Variants in GCH1 observed in about 807,000 individuals in gnomAD.
GCH1 encodes the protein GTP cyclohydrolase 1.
GCH1 carries 5 observed loss-of-function variants against 25.9 expected under a neutral mutation model. That is an observed-to-expected ratio of 0.19 (90% CI 0.10 to 0.41). The LOEUF (loss-of-function observed/expected upper bound fraction) is 0.41. Among genes scored for constraint, GCH1 ranks in the 10% least tolerant of loss-of-function variants. The pLI, the probability that GCH1 is intolerant of heterozygous loss-of-function variation, is 1.00. For synonymous variants in GCH1, 159 were observed against 129.6 expected (o/e 1.23, Z -1.54); for missense variants, 261 against 336.5 (o/e 0.78, Z 1.75).
At chr14:54,896,053 ACTG>A (rs1352348694) in intron 1 of GCH1, among the ~76,000 whole-genome samples, 1 of 152,248 alleles carries the variant, frequency 6.6e-6, no homozygotes, top group Non-Finnish European at 1.5e-5. Context: ...CACAAGAGGC[ACTG>A]GGAGGAAAAA....
At chr14:54,856,577 G>A (rs1316850973) in intron 3 of GCH1, among the ~76,000 whole-genome samples, 2 of 151,948 alleles carry the variant, frequency 1.3e-5, no homozygotes, top group Non-Finnish European at 2.9e-5. Context: ...CTCAGCCTCC[G>A]AAGTAGCTGG....
intron 1 of GCH1, among the ~76,000 whole-genome samples, chr14:54,865,689 AAGG>A (rs1321933333): frequency 6.6e-6 from 1 of 152,216 alleles, no homozygotes; most frequent in African/African-American, 2.4e-5. Flanking sequence ...ATGGAAGAGG[AAGG>A]AGAACGGAGG....
intron 1 of GCH1, among the ~76,000 whole-genome samples, chr14:54,879,420 CAAAAAAAAAAAAAAAA>C (rs34163543): frequency 1.7e-5 from 1 of 59,888 alleles, no homozygotes; most frequent in South Asian, 6.0e-4. Context: ...GTCCCTGTCT[CAAAAAAAAAAAAAAAA>C]AAAAAAAAAA....
chr14:54,897,010 G>GTT lies in GCH1; in HGVS notation c.343+5309_343+5310dup, dbSNP rs1303006172. ...TCTTATCCATTCTACTCCACTTTTTGTTTTTTTTTTTTTTTTTTGAGATGG... is the reference window on the plus strand; with the variant it reads ...TCTTATCCATTCTACTCCACTTTTTGTTTTTTTTTTTTTTTTTTTTGAGATGG... On this transcript the variant is annotated intron_variant, in intron 1 of 5. Coordinates refer to ENST00000491895, the MANE Select transcript of GCH1 (RefSeq NM_000161.3). Among the ~76,000 whole-genome samples the GTT allele has an allele frequency of 3.0e-4, 35 of 114,880 alleles. 1 individual carries two copies. Among genetic ancestry groups the GTT allele is most frequent in the East Asian group, 5.1e-4 (2 of 3,908 alleles). 75.4% of individuals were successfully genotyped at this position (114,880 alleles called of 152,430 possible).
intron 1 of GCH1, among the ~76,000 whole-genome samples, chr14:54,868,751 G>A (rs934406646): frequency 2.0e-5 from 3 of 151,262 alleles, no homozygotes; most frequent in African/African-American, 4.9e-5. Flanking sequence ...ACAGGCGTCT[G>A]CCACCACCCC....
At chr14:54,870,327 G>C (rs1299412382) in intron 1 of GCH1, among the ~76,000 whole-genome samples, 2 of 77,260 alleles carry the variant, frequency 2.6e-5, no homozygotes, top group Non-Finnish European at 4.6e-5. Flanking sequence ...GCCAGACTCT[G>C]TTTTTACCAA....
intron 1 of GCH1, among the ~76,000 whole-genome samples, chr14:54,889,492 AG>A (rs1385267970): frequency 1.3e-5 from 2 of 152,212 alleles, no homozygotes; most frequent in African/African-American, 4.8e-5. Flanking sequence ...CACACTTCAC[AG>A]GAAGAGCCAT....
intron 1 of GCH1, among the ~76,000 whole-genome samples, chr14:54,898,127 C>T (rs2040513497): frequency 6.6e-6 from 1 of 152,150 alleles, no homozygotes; most frequent in African/African-American, 2.4e-5. Flanking sequence ...TGCCTGTAAT[C>T]CCAGCACTTT....
At chr14:54,874,099 A>C (rs1242639069) in intron 1 of GCH1, among the ~76,000 whole-genome samples, 2 of 152,202 alleles carry the variant, frequency 1.3e-5, no homozygotes, top group Non-Finnish European at 2.9e-5. Flanking sequence ...CCTCAAAAAA[A>C]TGCTGGCTAA....
rs2040585105 is a variant in GCH1 at position 54,902,546 on chromosome 14, G to A, written c.118C>T (p.Pro40Ser). Residue 40 changes from proline (P) to serine (S), a missense_variant, in exon 1 of 6, where the codon CCG (proline) becomes TCG (serine). Physicochemically the swap from Pro to Ser is moderately conservative, Grantham distance 74. Transcript: ENST00000491895. ...PGPSRPAEKP[P>S]RPEAKSAQPA... ...TGCGCGCTCTTGGCCTCGGGCCGCG[G>A]GGGCTTCTCCGCCGGCCTGCTGGGC... 6.5e-7 allele frequency: 1 copy of A among 1,543,904 alleles called. No homozygotes were observed. Among genetic ancestry groups the A allele is most frequent in the South Asian group, 1.2e-5 (1 of 83,246 alleles).
intron 1 of GCH1, among the ~76,000 whole-genome samples, chr14:54,895,530 C>T (rs1706284306): frequency 6.6e-6 from 1 of 152,110 alleles, no homozygotes; most frequent in South Asian, 2.1e-4. Context: ...CTGGAAGGGT[C>T]AGTTACAGGG....
chr14:54,877,830 G>T (rs1242788744), intron 1 of GCH1, among the ~76,000 whole-genome samples: 4 of 152,102 alleles, frequency 2.6e-5, no homozygotes, highest in African/African-American at 9.7e-5. Flanking sequence ...CGAAACAGGG[G>T]TTCCCAGACT....
intron 3 of GCH1, among the ~76,000 whole-genome samples, chr14:54,851,167 A>G (rs2039724505): frequency 6.6e-6 from 1 of 152,252 alleles, no homozygotes; most frequent in Admixed American, 6.5e-5. Context: ...CTGCCTAGCC[A>G]TATGTAGAAA....
intron 1 of GCH1, among the ~76,000 whole-genome samples, chr14:54,870,887 A>G (rs1594995414): frequency 6.6e-6 from 1 of 152,204 alleles, no homozygotes; most frequent in Non-Finnish European, 1.5e-5. Flanking sequence ...CAGCTCAAGG[A>G]GCCCTGCCTG....
chr14:54,865,697 C>A (rs374462796), intron 1 of GCH1, among the ~76,000 whole-genome samples: 40 of 152,042 alleles, frequency 2.6e-4, no homozygotes, highest in African/African-American at 8.7e-4. Context: ...GGAAGGAGAA[C>A]GGAGGGAGGA....
At chr14:54,880,532 T>C (rs867650086) in intron 1 of GCH1, among the ~76,000 whole-genome samples, 20 of 83,720 alleles carry the variant, frequency 2.4e-4, no homozygotes, top group African/African-American at 1.3e-3. Flanking sequence ...TATATATATA[T>C]ACTCCATATA....
At chr14:54,854,595 T>C (rs148677989) in intron 3 of GCH1, among the ~76,000 whole-genome samples, 40 of 151,918 alleles carry the variant, frequency 2.6e-4, no homozygotes, top group African/African-American at 7.7e-4. Context: ...TAAAGCAAAA[T>C]CAAAAGACAA....
rs55786710 is a variant in GCH1 at position 54,844,306 on chromosome 14, C to T, written c.627-163G>A. ...TATTAGGTTCATGCAAAAGTAACTG[C>T]GGTTCTTGCTATTGAACATAATGGC... On this transcript the variant is annotated intron_variant, in intron 5 of 5. Transcript: ENST00000491895. Among the ~76,000 whole-genome samples, 13,367 of 152,220 alleles carry T rather than the reference C, an allele frequency of 0.088. 726 individuals carry two copies. Among genetic ancestry groups the T allele is most frequent in the Non-Finnish European group, 0.11 (7,422 of 68,010 alleles).
At chr14:54,865,281 T>G (rs1218546984) in intron 2 of GCH1, 46 bp downstream of exon 2, 2 of 900,666 alleles carry the variant, frequency 2.2e-6, no homozygotes, top group Non-Finnish European at 1.8e-6. Flanking sequence ...ATTGAAAAAC[T>G]TTCACTATGT....
Sources: allele counts gnomAD v4.1 joint callset (sites outside exome capture counted in the v4.1 genomes callset), GRCh38; gene constraint gnomAD v4.1.1; transcripts MANE v1.5; gene names NCBI Gene and HGNC (gene_info 2026-07-23, HGNC 2026-07-21).